Variants in TRAPPC9 observed in about 807,000 individuals in gnomAD.
TRAPPC9 encodes the protein trafficking protein particle complex subunit 9, also known as IKK2 binding protein.
TRAPPC9 carries 83 observed loss-of-function variants against 124.0 expected under a neutral mutation model. The observed-to-expected ratio is 0.67, with a 90% CI of 0.56 to 0.80. TRAPPC9 has a LOEUF of 0.80. Ranked by LOEUF, TRAPPC9 falls within the 30% of genes least tolerant of loss-of-function variation. TRAPPC9 has a pLI of 0.00. For missense variants in TRAPPC9, 1,302 were observed against 1,508.3 expected, an observed-to-expected ratio of 0.86 and a Z score of 2.27; for synonymous variants, 638 against 617.5, an observed-to-expected ratio of 1.03 and a Z score of -0.49.
intron 19 of TRAPPC9, among the ~76,000 whole-genome samples, chr8:139,925,475 C>T (rs1587235905): frequency 2.6e-5 from 4 of 152,128 alleles, no homozygotes; most frequent in African/African-American, 4.8e-5. Flanking sequence ...AGGCCGGGCA[C>T]GGTGGCTCAC....
At chr8:139,931,615 C>T (rs1027087823) in intron 19 of TRAPPC9, 1 of 152,334 alleles carries the variant, frequency 6.6e-6, no homozygotes, top group Non-Finnish European at 1.5e-5. Flanking sequence ...GCTCCTTTCT[C>T]TGCATGCTAC....
intron 21 of TRAPPC9, among the ~76,000 whole-genome samples, chr8:139,755,685 T>C (rs13257370): frequency 0.012 from 359 of 30,224 alleles, no homozygotes; most frequent in Admixed American, 0.019. Flanking sequence ...CAGGAGGAGC[T>C]AGGGTTTGGG....
chr8:140,133,761 A>G (rs995950017), intron 17 of TRAPPC9, among the ~76,000 whole-genome samples: 14 of 152,274 alleles, frequency 9.2e-5, no homozygotes, highest in Admixed American at 6.5e-4. Flanking sequence ...CACACCAGCA[A>G]TGAATAATCT....
intron 7 of TRAPPC9, among the ~76,000 whole-genome samples, chr8:140,384,866 A>C (rs899420469): frequency 1.3e-5 from 2 of 152,250 alleles, no homozygotes; most frequent in African/African-American, 4.8e-5. Flanking sequence ...CAGAATATAC[A>C]TTCTTCTCAG....
In TRAPPC9 at chr8:140,146,458, T is replaced by C. The variant is rs567865287; in HGVS notation, c.2556+75001A>G. Among the ~76,000 whole-genome samples the C allele has an allele frequency of 3.9e-5, 6 of 152,318 alleles. No individual in the cohort carries two copies. The South Asian group carries it at 1.2e-3, about 32-fold the overall frequency. On this transcript the variant is annotated intron_variant, in intron 17 of 22. Coordinates refer to ENST00000438773, the MANE Select transcript of TRAPPC9 (RefSeq NM_001160372.4). ...GAGGAGAATTTGTCAGTGGGAACCA[T>C]GCGTGCTGGGTGTGGGGAGGGTGGT...
At chr8:140,035,316 T>C (rs1282996233) in intron 17 of TRAPPC9, among the ~76,000 whole-genome samples, 1 of 152,222 alleles carries the variant, frequency 6.6e-6, no homozygotes, top group Admixed American at 6.5e-5. Context: ...CAGCCAGCAC[T>C]TCATCAGACT....
At chr8:140,404,525 T>C (rs2069402436) in intron 6 of TRAPPC9, among the ~76,000 whole-genome samples, 1 of 152,160 alleles carries the variant, frequency 6.6e-6, no homozygotes, top group Non-Finnish European at 1.5e-5. Context: ...AGCAGGATTT[T>C]AGAAAACCTT....
At chr8:140,329,922 AT>A (rs2066851988) in intron 9 of TRAPPC9, among the ~76,000 whole-genome samples, 1 of 152,122 alleles carries the variant, frequency 6.6e-6, no homozygotes, top group Non-Finnish European at 1.5e-5. Flanking sequence ...TACTAAAAAA[AT>A]ACAAAAATTA....
At chr8:139,928,624 T>C (rs1832944770) in intron 19 of TRAPPC9, among the ~76,000 whole-genome samples, 1 of 151,914 alleles carries the variant, frequency 6.6e-6, no homozygotes, top group African/African-American at 2.4e-5. Flanking sequence ...ACCTCAGAGC[T>C]GCTGTCGGTA....
At chr8:139,913,210 A>G (rs1239571349) in intron 19 of TRAPPC9, among the ~76,000 whole-genome samples, 1 of 152,234 alleles carries the variant, frequency 6.6e-6, no homozygotes, top group African/African-American at 2.4e-5. Context: ...ACAAAACTGT[A>G]GCTAACTCTG....
chr8:140,003,758 A>T lies in TRAPPC9; in HGVS notation c.2700-14922T>A, dbSNP rs145290214. ...ACTGCTAGTAGAGATGGAAAATGGTACTACCACTCTGGAAAACAGCTTGGC... is the reference window on the plus strand; with the variant it reads ...ACTGCTAGTAGAGATGGAAAATGGTTCTACCACTCTGGAAAACAGCTTGGC... On this transcript the variant is annotated intron_variant, in intron 18 of 22. Transcript: ENST00000438773. Among the ~76,000 whole-genome samples the T allele has an allele frequency of 2.0e-3, 303 of 152,344 alleles. 1 individual carries two copies. The highest frequency in any genetic ancestry group is 0.01 in the Middle Eastern group (3 of 294).
chr8:140,073,811 G>A (rs562439152), intron 17 of TRAPPC9, among the ~76,000 whole-genome samples: 1 of 152,152 alleles, frequency 6.6e-6, no homozygotes, highest in Non-Finnish European at 1.5e-5. Context: ...AGCTGTTAAT[G>A]GATGTGTGGA....
At chr8:140,046,544 G>C (rs1195300483) in intron 17 of TRAPPC9, among the ~76,000 whole-genome samples, 1 of 152,246 alleles carries the variant, frequency 6.6e-6, no homozygotes, top group East Asian at 1.9e-4. Context: ...CACAGCCTGG[G>C]AAGACTTCTG....
At chr8:139,879,093 C>A (rs1008476882) in intron 21 of TRAPPC9, among the ~76,000 whole-genome samples, 4 of 152,252 alleles carry the variant, frequency 2.6e-5, no homozygotes, top group African/African-American at 7.2e-5. Flanking sequence ...AGGGCCCAGC[C>A]CGGCATGGCG....
chr8:139,878,764 A>AG lies in TRAPPC9; in HGVS notation c.3055+7114dup, dbSNP rs1829492168. The stretch of plus-strand genomic sequence containing the variant: ...AGGAACGCTTGAGGCCGGGAGTTCA[A>AG]GACCAGCCTGGGCAACATAGGGAGA... On this transcript the variant is annotated intron_variant, in intron 21 of 22. Transcript: ENST00000438773. Among the ~76,000 whole-genome samples the AG allele has an allele frequency of 3.9e-5, 6 of 152,362 alleles. No individual in the cohort carries two copies. In the South Asian group the frequency reaches 1.2e-3, roughly 32 times the overall value.
At chr8:140,412,205 T>C (rs577973789) in intron 5 of TRAPPC9, among the ~76,000 whole-genome samples, 1 of 152,228 alleles carries the variant, frequency 6.6e-6, no homozygotes, top group African/African-American at 2.4e-5. Context: ...GATGGATCAC[T>C]TGACCCCTCC....
At chr8:139,911,395 G>A (rs1323391050) in intron 19 of TRAPPC9, 1 of 152,138 alleles carries the variant, frequency 6.6e-6, no homozygotes, top group African/African-American at 2.4e-5. Context: ...ACAACAGAGG[G>A]TTTATCAGTC....
At chr8:139,861,095 T>C (rs1215981825) in intron 21 of TRAPPC9, among the ~76,000 whole-genome samples, 1 of 152,250 alleles carries the variant, frequency 6.6e-6, no homozygotes, top group Non-Finnish European at 1.5e-5. Context: ...TTGTTAGAAA[T>C]GCTTGTTCCC....
At chr8:140,123,452 G>T (rs1426719627) in intron 17 of TRAPPC9, among the ~76,000 whole-genome samples, 1 of 152,158 alleles carries the variant, frequency 6.6e-6, no homozygotes, top group Non-Finnish European at 1.5e-5. Flanking sequence ...AGACTTGCCA[G>T]CTCTGGACTG....
Sources: allele counts gnomAD v4.1 joint callset (sites outside exome capture counted in the v4.1 genomes callset), GRCh38; gene constraint gnomAD v4.1.1; transcripts MANE v1.5; gene names NCBI Gene and HGNC (gene_info 2026-07-23, HGNC 2026-07-21).